The following CCDC150 variants were observed in gnomAD, a reference collection of about 807,000 sequenced individuals.
The protein encoded by CCDC150 is coiled-coil domain containing 150, also known as coiled-coil domain-containing protein 150.
A neutral mutation model predicts 156.5 loss-of-function variants in CCDC150; 151 were observed. The ratio of observed to expected loss-of-function variants is 0.97; its 90% confidence interval spans 0.85 to 1.10. CCDC150 has a LOEUF of 1.10. CCDC150 is among the 50% of genes least tolerant of loss of function. The pLI, the probability that CCDC150 is intolerant of heterozygous loss-of-function variation, is 0.00. For synonymous variants in CCDC150, 452 were observed against 429.4 expected (o/e 1.05, Z -0.65); for missense variants, 1,312 against 1,268.1 (o/e 1.03, Z -0.53).
chr2:196,725,222 CAA>C (rs1698143566), intron 21 of CCDC150, among the ~76,000 whole-genome samples: 1 of 152,118 alleles, frequency 6.6e-6, no homozygotes, highest in Admixed American at 6.6e-5. Flanking sequence ...ACCAATAACT[CAA>C]GAGTAATCAT....
At chr2:196,699,315 C>T (rs778422834) in intron 14 of CCDC150, among the ~76,000 whole-genome samples, 4 of 152,132 alleles carry the variant, frequency 2.6e-5, no homozygotes, top group Non-Finnish European at 5.9e-5. Flanking sequence ...AATATTAATT[C>T]TGACAGGACA....
In CCDC150 at chr2:196,712,774, G is replaced by A. The variant is rs1201233167; in HGVS notation, c.1866+35G>A. On this transcript the variant is annotated intron_variant, in intron 17 of 27. Coordinates refer to ENST00000389175, the MANE Select transcript of CCDC150 (RefSeq NM_001080539.2). ...ATGAAAGTGCTTACTTGTCAGCATG[G>A]TGGCTCTTGAAGCTAAAAACCTTTC... 3.3e-6 allele frequency: 5 copies of A among 1,515,438 alleles called. No individual in the cohort carries two copies. The South Asian group carries it at 4.7e-5, about 14-fold the overall frequency. 93.9% of individuals were successfully genotyped at this position (1,515,438 alleles called of 1,614,324 possible).
chr2:196,683,104 G>A (rs1480418490), intron 13 of CCDC150, among the ~76,000 whole-genome samples: 1 of 151,954 alleles, frequency 6.6e-6, no homozygotes, highest in Non-Finnish European at 1.5e-5. Flanking sequence ...TCTGATCTTC[G>A]GGGGAAAGCT....
At chr2:196,665,892 A>C (rs1347643649) in intron 6 of CCDC150, among the ~76,000 whole-genome samples, 1 of 152,164 alleles carries the variant, frequency 6.6e-6, no homozygotes, top group African/African-American at 2.4e-5. Context: ...AACACTCTTA[A>C]TTTATGAATC....
intron 19 of CCDC150, chr2:196,720,166 C>G (rs1200913208): frequency 2.5e-6 from 1 of 394,326 alleles, no homozygotes; most frequent in African/African-American, 2.1e-5. Context: ...AATAAAATTT[C>G]CTTTTAGGTT....
intron 5 of CCDC150, among the ~76,000 whole-genome samples, chr2:196,662,973 C>T (rs1008301337): frequency 6.6e-6 from 1 of 151,954 alleles, no homozygotes; most frequent in Non-Finnish European, 1.5e-5. Flanking sequence ...CATGGTGGCT[C>T]ATACCTGTAA....
chr2:196,651,542 G>A (rs1046175503), intron 2 of CCDC150, among the ~76,000 whole-genome samples: 2 of 152,140 alleles, frequency 1.3e-5, no homozygotes, highest in African/African-American at 4.8e-5. Context: ...GCATTGCTGA[G>A]ATAGTATTCT....
In CCDC150 at chr2:196,732,538, TCATTC is replaced by T; in HGVS notation, c.3283_3287del (p.His1095Ter). On this transcript the variant is annotated frameshift_variant, in exon 28 of 28. Transcript: ENST00000389175. LOFTEE classifies it high-confidence loss of function. ...ATCTTAGGCCCATGCCCAAGAAGTA[TCATTC>T]TGAGGTACAGAGGAAGTGATGTCCT... 6.2e-7 allele frequency: 1 copy of T among 1,611,878 alleles called. No homozygotes were observed. Among genetic ancestry groups the T allele is most frequent in the Non-Finnish European group, 8.5e-7 (1 of 1,178,060 alleles).
intron 13 of CCDC150, among the ~76,000 whole-genome samples, chr2:196,689,138 G>A (rs1427916274): frequency 2.6e-5 from 4 of 152,128 alleles, no homozygotes; most frequent in African/African-American, 9.7e-5. Flanking sequence ...TGCTGTTTTG[G>A]TTACTGTAGC....
At chr2:196,717,334 G>A (rs569882561) in intron 17 of CCDC150, among the ~76,000 whole-genome samples, 2 of 152,282 alleles carry the variant, frequency 1.3e-5, no homozygotes, top group African/African-American at 2.4e-5. Flanking sequence ...GATAGCACAA[G>A]GGAATTCTTT....
chr2:196,692,498 G>A (rs908990781), intron 13 of CCDC150, among the ~76,000 whole-genome samples: 4 of 152,220 alleles, frequency 2.6e-5, no homozygotes, highest in African/African-American at 9.6e-5. Context: ...TGCCTTAGCA[G>A]TGTCCCAGAG....
chr2:196,645,584 A>G (rs1420705467), intron 1 of CCDC150, among the ~76,000 whole-genome samples: 5 of 152,228 alleles, frequency 3.3e-5, no homozygotes, highest in South Asian at 4.1e-4. Context: ...AACGTGATTC[A>G]TTTACACGTT....
intron 20 of CCDC150, 117 bp from the exon 21 acceptor site, chr2:196,721,405 A>G (rs1697901322): frequency 7.1e-6 from 4 of 560,462 alleles, no homozygotes; most frequent in Admixed American, 7.2e-5. Context: ...TCTGGTTCCA[A>G]CTAATTATTG....
At chr2:196,642,438 G>A (rs753421318) in intron 1 of CCDC150, among the ~76,000 whole-genome samples, 1 of 152,108 alleles carries the variant, frequency 6.6e-6, no homozygotes, top group Admixed American at 6.5e-5. Flanking sequence ...GACAGGCAAG[G>A]GTATGAGCAA....
chr2:196,720,774 C>T (rs1697833180), intron 20 of CCDC150, 106 bp downstream of exon 20: 1 of 1,000,858 alleles, frequency 1.0e-6, no homozygotes, highest in South Asian at 1.6e-5. Context: ...ATGTTTTTTT[C>T]AATCAAGTCT....
Position 196,729,176 on chromosome 2 carries a change from C to G in CCDC150, c.2557-17C>G. On this transcript the variant is annotated splice_polypyrimidine_tract_variant and intron_variant, in intron 22 of 27. Transcript: ENST00000389175. ...TGGAAAGTAAAAATGTTTCAATTTT[C>G]TCCCTTGTGTTTTAAGCTGAAGAAA... The G allele has an allele frequency of 6.3e-7, 1 of 1,581,378 alleles. No individual in the cohort carries two copies. The highest frequency in any genetic ancestry group is 8.6e-7 in the Non-Finnish European group (1 of 1,168,592).
At chr2:196,691,080 T>C (rs548281564) in intron 13 of CCDC150, among the ~76,000 whole-genome samples, 3,739 of 148,356 alleles carry the variant, frequency 0.025, 129 homozygotes, top group African/African-American at 0.086. Flanking sequence ...GATAAGCTTT[T>C]CGATATGCTG....
intron 13 of CCDC150, among the ~76,000 whole-genome samples, chr2:196,686,763 CCCACCCT>C (rs967711590): frequency 8.5e-5 from 13 of 152,198 alleles, no homozygotes; most frequent in African/African-American, 3.1e-4. Context: ...TCTCCCTCCA[CCCACCCT>C]CCACCCTCTG....
chr2:196,677,201 T>G (rs1694557776), intron 12 of CCDC150, 92 bp from the exon 13 acceptor site: 1 of 814,360 alleles, frequency 1.2e-6, no homozygotes, highest in Non-Finnish European at 2.1e-6. Flanking sequence ...GTGTAGGTAT[T>G]AATTGACATG....
Sources: allele counts gnomAD v4.1 joint callset (sites outside exome capture counted in the v4.1 genomes callset), GRCh38; gene constraint gnomAD v4.1.1; transcripts MANE v1.5; gene names NCBI Gene and HGNC (gene_info 2026-07-23, HGNC 2026-07-21).